The following ANKRD18B variants were observed in gnomAD, a reference collection of about 807,000 sequenced individuals.
ANKRD18B encodes the protein ankyrin repeat domain 18B.
A neutral mutation model predicts 111.8 loss-of-function variants in ANKRD18B; 75 were observed. That is an observed-to-expected ratio of 0.67 (90% CI 0.56 to 0.81). ANKRD18B has a LOEUF of 0.81. Among genes scored for constraint, ANKRD18B ranks in the 40% least tolerant of loss-of-function variants. The pLI, the probability that ANKRD18B is intolerant of heterozygous loss-of-function variation, is 0.00. For missense variants in ANKRD18B, 1,038 were observed against 1,225.5 expected, an observed-to-expected ratio of 0.85 and a Z score of 2.28; for synonymous variants, 356 against 417.3, an observed-to-expected ratio of 0.85 and a Z score of 1.79.
chr9:33,551,374 C>T (rs947760098), intron 12 of ANKRD18B, among the ~76,000 whole-genome samples: 1 of 152,164 alleles, frequency 6.6e-6, no homozygotes, highest in African/African-American at 2.4e-5. Flanking sequence ...AAAAGCAATC[C>T]TACATCTCTT....
rs1446064215 is a variant in ANKRD18B at position 33,566,197 on chromosome 9, C to CTTTATTAT, written c.2461-21_2461-20insTTATTATT. The CTTTATTAT allele has an allele frequency of 5.8e-5, 89 of 1,530,784 alleles. No individual in the cohort carries two copies. In the African/African-American group the frequency reaches 1.2e-3, roughly 21 times the overall value. 94.8% of individuals were successfully genotyped at this position (1,530,784 alleles called of 1,614,324 possible). ...ATTCTCAGCCTACTTCATTATCAAGCTCTATTATTTTATTAATGCAGTTTG... is the reference window on the plus strand; with the variant it reads ...ATTCTCAGCCTACTTCATTATCAAGCTTTATTATTCTATTATTTTATTAATGCAGTTTG... On this transcript the variant is annotated intron_variant, in intron 14 of 18. Coordinates refer to ENST00000684830, the MANE Select transcript of ANKRD18B (RefSeq NM_001393611.1).
intron 10 of ANKRD18B, among the ~76,000 whole-genome samples, chr9:33,547,406 C>T (rs922004964): frequency 6.6e-6 from 1 of 152,048 alleles, no homozygotes; most frequent in Non-Finnish European, 1.5e-5. Context: ...AAATGTAATT[C>T]TTACAACTGA....
intron 11 of ANKRD18B, among the ~76,000 whole-genome samples, chr9:33,549,403 G>A (rs1280482999): frequency 6.6e-6 from 1 of 152,102 alleles, no homozygotes; most frequent in African/African-American, 2.4e-5. Context: ...ATGCTGATAA[G>A]GTGTGTAGTC....
intron 9 of ANKRD18B, among the ~76,000 whole-genome samples, chr9:33,542,436 G>T (rs1400885988): frequency 6.6e-6 from 1 of 150,782 alleles, no homozygotes; most frequent in Non-Finnish European, 1.5e-5. Flanking sequence ...AGGGTGGAGT[G>T]CAATGGCATG....
intron 15 of ANKRD18B, among the ~76,000 whole-genome samples, chr9:33,566,721 C>G (rs13284921): frequency 6.6e-6 from 1 of 152,024 alleles, no homozygotes; most frequent in Non-Finnish European, 1.5e-5. Context: ...TCTCACTATA[C>G]AGTAAAAGGG....
In ANKRD18B at chr9:33,533,451, C is replaced by T. The variant is rs1828145308; in HGVS notation, c.508C>T (p.Pro170Ser). The T allele has an allele frequency of 6.6e-7, 1 of 1,525,584 alleles. No homozygotes were observed. The highest frequency in any genetic ancestry group is 8.8e-7 in the Non-Finnish European group (1 of 1,138,508). 94.5% of individuals were successfully genotyped at this position (1,525,584 alleles called of 1,614,324 possible). The change falls in exon 4 of 19, where the codon CCA becomes TCA. Residue 170 changes from proline to serine, a missense_variant. Around this residue, in one of 4 missense-constraint regions of ANKRD18B, gnomAD observed 93 missense variants for 141.3 expected, o/e 0.66. Coordinates refer to ENST00000684830, the MANE Select transcript of ANKRD18B (RefSeq NM_001393611.1). ...IEALNKEGNT[P>S]LLFAINSRRQ... ...TGCTTTCTTACAGGAGGGAAACACT[C>T]CACTTTTGTTTGCTATAAATTCCAG...
chr9:33,564,909 T>C (rs1482969085), intron 14 of ANKRD18B, among the ~76,000 whole-genome samples: 1 of 152,200 alleles, frequency 6.6e-6, no homozygotes, highest in African/African-American at 2.4e-5. Flanking sequence ...CAGATTATTT[T>C]TGTTTACTGT....
downstream of ANKRD18B, among the ~76,000 whole-genome samples, chr9:33,573,751 C>T (rs1464115440): frequency 1.0e-4 from 15 of 144,922 alleles, 4 homozygotes; most frequent in Non-Finnish European, 1.1e-4. Context: ...AACACAGCTG[C>T]TCAAGGGCCT....
chr9:33,568,339 A>G (rs541783294), intron 16 of ANKRD18B, among the ~76,000 whole-genome samples: 1 of 152,340 alleles, frequency 6.6e-6, no homozygotes, highest in East Asian at 1.9e-4. Context: ...AAGTATATCT[A>G]AAGGAATCTT....
intron 12 of ANKRD18B, among the ~76,000 whole-genome samples, chr9:33,555,207 A>G (rs1462040968): frequency 6.6e-6 from 1 of 152,216 alleles, no homozygotes; most frequent in African/African-American, 2.4e-5. Context: ...TAGACAGGGA[A>G]AAACTGAAAC....
At chr9:33,525,043 T>A (rs10813995) in intron 1 of ANKRD18B, among the ~76,000 whole-genome samples, 31,188 of 152,130 alleles carry the variant, frequency 0.21, 3,682 homozygotes, top group Admixed American at 0.26. Flanking sequence ...CAAATCCACC[T>A]AGGTAGATAG....
chr9:33,557,940 G>A lies in ANKRD18B; in HGVS notation c.2331-118G>A, dbSNP rs913463942. The stretch of plus-strand genomic sequence containing the variant: ...TCAAACTATGTTCAGTTGAAACTGA[G>A]AGGATCATAGTTTATAGATTTGTTT... On this transcript the variant is annotated intron_variant, in intron 13 of 18. Transcript: ENST00000684830. 9 of 936,650 alleles carry A rather than the reference G, an allele frequency of 9.6e-6. No homozygotes were observed. In the African/African-American group the frequency reaches 1.2e-4, roughly 12 times the overall value. 58.0% of individuals were successfully genotyped at this position (936,650 alleles called of 1,614,324 possible). A position where few individuals can be genotyped will look rare whatever the true frequency, so the allele number is the denominator to read the frequency against.
intron 14 of ANKRD18B, among the ~76,000 whole-genome samples, chr9:33,565,056 T>A (rs1828665081): frequency 6.6e-6 from 1 of 152,246 alleles, no homozygotes; most frequent in South Asian, 2.1e-4. Context: ...GTTTGTTGCC[T>A]ATGCTTCTGA....
At position 33,572,232 on chromosome 9, in the gene ANKRD18B, G is replaced by A. The variant is rs1428093316; in HGVS notation, c.3224-84G>A. 3.8e-6 allele frequency: 4 copies of A among 1,040,028 alleles called. No individual in the cohort carries two copies. The African/African-American group carries it at 4.8e-5, about 12-fold the overall frequency. 64.4% of individuals were successfully genotyped at this position (1,040,028 alleles called of 1,614,324 possible). ...TCTCATTCTTATTAACTCTGATAAT[G>A]TTCTCAACTCTACATTTTAAACTTA... On this transcript the variant is annotated intron_variant, in intron 18 of 18. Coordinates refer to ENST00000684830, the MANE Select transcript of ANKRD18B (RefSeq NM_001393611.1).
intron 17 of ANKRD18B, 22 bp from the exon 18 acceptor site, chr9:33,571,220 ATTAT>A (rs1263119238): frequency 3.6e-6 from 3 of 839,830 alleles, no homozygotes; most frequent in Non-Finnish European, 2.9e-6. Context: ...AAACATTATT[ATTAT>A]TTTTTTTTTT....
At position 33,535,386 on chromosome 9, in the gene ANKRD18B, C is replaced by T. The variant is rs184858152; in HGVS notation, c.740+879C>T. Among the ~76,000 whole-genome samples, 261 of 152,038 alleles carry T rather than the reference C, an allele frequency of 1.7e-3. 1 individual carries two copies. The highest frequency in any genetic ancestry group is 5.6e-3 in the African/African-American group (233 of 41,442). ...CTGCAAGCTCCCCCTCCTGGGTTCA[C>T]GCTATTCTCCTGCCTCAGCCTCCCG... On this transcript the variant is annotated intron_variant, in intron 5 of 18. Transcript: ENST00000684830.
At chr9:33,557,309 T>C (rs554633802) in intron 13 of ANKRD18B, among the ~76,000 whole-genome samples, 50 of 152,180 alleles carry the variant, frequency 3.3e-4, no homozygotes, top group Middle Eastern at 3.4e-3. Flanking sequence ...TTGGGTGTAC[T>C]TTTTTTTCTT....
chr9:33,549,120 T>C lies in ANKRD18B; in HGVS notation c.2067+265T>C, dbSNP rs192126320. 1.7e-4 allele frequency among the ~76,000 whole-genome samples: 26 copies of C among 152,218 alleles called. No individual in the cohort carries two copies. The East Asian group carries it at 3.7e-3, about 21-fold the overall frequency. On this transcript the variant is annotated intron_variant, in intron 11 of 18. Transcript: ENST00000684830. ...CTGGAGTGATGAAAATGTTCTAAAGTTGGATTGTAGAGATGGTTGCACGAC... is the reference window on the plus strand; with the variant it reads ...CTGGAGTGATGAAAATGTTCTAAAGCTGGATTGTAGAGATGGTTGCACGAC...
At chr9:33,535,251 C>T (rs1811175358) in intron 5 of ANKRD18B, among the ~76,000 whole-genome samples, 1 of 151,956 alleles carries the variant, frequency 6.6e-6, no homozygotes, top group Non-Finnish European at 1.5e-5. Flanking sequence ...CATGGTGACT[C>T]ATACACAGAG....
Sources: gnomAD v4.1 joint callset for allele counts (sites outside exome capture counted in the v4.1 genomes callset) on GRCh38, gnomAD v4.1.1 for gene constraint, gnomAD v4.1.1 regional missense constraint, MANE v1.5 for transcripts, NCBI Gene and HGNC (gene_info 2026-07-23, HGNC 2026-07-21) for gene names.